ST3GAL6: variants seen among roughly 807,000 people sequenced by gnomAD.
ST3GAL6 encodes ST3 beta-galactoside alpha-2,3-sialyltransferase 6.
A neutral mutation model predicts 40.5 loss-of-function variants in ST3GAL6; 31 were observed. The ratio of observed to expected loss-of-function variants is 0.77; its 90% CI spans 0.58 to 1.03. The LOEUF is 1.03. Ranked by LOEUF, ST3GAL6 falls within the 50% of genes least tolerant of loss-of-function variation. ST3GAL6 has a pLI of 0.00. For synonymous variants in ST3GAL6, 129 were observed against 136.9 expected, an observed-to-expected ratio of 0.94 and a Z score of 0.40; for missense variants, 357 against 393.2, an observed-to-expected ratio of 0.91 and a Z score of 0.78.
intron 1 of ST3GAL6, among the ~76,000 whole-genome samples, chr3:98,740,532 A>G (rs1935992034): frequency 6.6e-6 from 1 of 150,964 alleles, no homozygotes; most frequent in Non-Finnish European, 1.5e-5. Flanking sequence ...TCTCCTCCAC[A>G]CTCTCCCATC....
At chr3:98,737,853 A>G (rs1935687180) in intron 1 of ST3GAL6, among the ~76,000 whole-genome samples, 1 of 152,204 alleles carries the variant, frequency 6.6e-6, no homozygotes, top group African/African-American at 2.4e-5. Flanking sequence ...ATTTTAGACA[A>G]AACAGACTTT....
At chr3:98,779,045 C>A (rs1939820003) in intron 5 of ST3GAL6, among the ~76,000 whole-genome samples, 1 of 152,124 alleles carries the variant, frequency 6.6e-6, no homozygotes, top group Admixed American at 6.5e-5. Flanking sequence ...GTACAACTTG[C>A]ACATATGTTT....
chr3:98,781,374 T>A (rs554581469), intron 5 of ST3GAL6, among the ~76,000 whole-genome samples: 1 of 151,922 alleles, frequency 6.6e-6, no homozygotes, highest in Non-Finnish European at 1.5e-5. Flanking sequence ...AAATACCTAA[T>A]GTAGATGATG....
intron 9 of ST3GAL6, among the ~76,000 whole-genome samples, chr3:98,792,433 C>T (rs917179899): frequency 3.9e-5 from 6 of 152,048 alleles, no homozygotes; most frequent in African/African-American, 1.4e-4. Flanking sequence ...TACCAACTTT[C>T]ATACTGGATC....
intron 5 of ST3GAL6, chr3:98,783,807 T>C (rs1339999151): frequency 7.5e-6 from 3 of 402,666 alleles, no homozygotes; most frequent in Non-Finnish European, 1.0e-5. Context: ...TTTGAGAGCA[T>C]AGAGCTTCCA....
intron 5 of ST3GAL6, chr3:98,783,274 T>G: frequency 6.5e-6 from 1 of 153,946 alleles, no homozygotes; most frequent in Non-Finnish European, 1.4e-5. Context: ...CCTTGTCTCT[T>G]GAAAGTTCTG....
intron 8 of ST3GAL6, among the ~76,000 whole-genome samples, chr3:98,790,557 C>T (rs747430773): frequency 6.6e-6 from 1 of 152,116 alleles, no homozygotes; most frequent in East Asian, 1.9e-4. Flanking sequence ...ACTAGTCAAA[C>T]GTAACTGGAT....
chr3:98,761,250 G>A (rs191922422), upstream of ST3GAL6, among the ~76,000 whole-genome samples: 1 of 152,166 alleles, frequency 6.6e-6, no homozygotes, highest in East Asian at 1.9e-4. Context: ...TTAGAGACCA[G>A]GCTGGACAGT....
chr3:98,787,307 G>A (rs144085617), intron 6 of ST3GAL6, among the ~76,000 whole-genome samples: 4 of 152,214 alleles, frequency 2.6e-5, no homozygotes, highest in African/African-American at 7.2e-5. Context: ...AAGTCTGTTC[G>A]TCTTATATTA....
upstream of ST3GAL6, among the ~76,000 whole-genome samples, chr3:98,759,179 G>C (rs1937574840): frequency 6.6e-6 from 1 of 152,310 alleles, no homozygotes; most frequent in East Asian, 1.9e-4. Context: ...CGTGTGGGCT[G>C]GTTTAAAGGG....
Position 98,788,029 on chromosome 3 carries a change from T to A in ST3GAL6, c.432-7T>A, listed in dbSNP as rs373564449. 2 of 1,609,906 alleles carry A rather than the reference T, an allele frequency of 1.2e-6. No homozygotes were observed. The highest frequency in any genetic ancestry group is 1.7e-6 in the Non-Finnish European group (2 of 1,178,328). On this transcript the variant is annotated splice_region_variant and splice_polypyrimidine_tract_variant and intron_variant, in intron 6 of 9. Transcript: ENST00000483910. ...TCTACATATCTTGTATGTTTTACTA[T>A]CCACAGAATGAATAATGGTCCTGTT...
At chr3:98,761,254 G>C (rs1937727584), upstream of ST3GAL6, among the ~76,000 whole-genome samples, 1 of 152,018 alleles carries the variant, frequency 6.6e-6, no homozygotes, top group Admixed American at 6.6e-5. Context: ...AGACCAGGCT[G>C]GACAGTATAG....
chr3:98,768,968 G>A (rs1364191193), intron 2 of ST3GAL6, among the ~76,000 whole-genome samples: 3 of 152,104 alleles, frequency 2.0e-5, no homozygotes, highest in African/African-American at 7.2e-5. Flanking sequence ...AAATAGCTTT[G>A]ACTTGAAATA....
intron 5 of ST3GAL6, among the ~76,000 whole-genome samples, chr3:98,778,653 A>G (rs960982768): frequency 5.3e-5 from 8 of 152,202 alleles, no homozygotes; most frequent in African/African-American, 1.9e-4. Context: ...TCCATCAGAG[A>G]GTAACATACA....
At chr3:98,764,248 C>T (rs1040619679) in intron 1 of ST3GAL6, among the ~76,000 whole-genome samples, 2 of 152,114 alleles carry the variant, frequency 1.3e-5, no homozygotes, top group African/African-American at 2.4e-5. Context: ...TATTGCTGAA[C>T]ATGCTTTTTT....
chr3:98,750,475 C>T (rs1936920717), intron 1 of ST3GAL6, among the ~76,000 whole-genome samples: 1 of 152,144 alleles, frequency 6.6e-6, no homozygotes, highest in African/African-American at 2.4e-5. Context: ...CTTTGGGAAA[C>T]CCTGGTTTAA....
intron 1 of ST3GAL6, among the ~76,000 whole-genome samples, chr3:98,757,806 C>G (rs1937522822): frequency 6.6e-6 from 1 of 151,898 alleles, no homozygotes; most frequent in South Asian, 2.1e-4. Flanking sequence ...TGTTCTATCA[C>G]ATAAGCGTTT....
chr3:98,757,632 G>A (rs1393120356), intron 1 of ST3GAL6, among the ~76,000 whole-genome samples: 1 of 152,122 alleles, frequency 6.6e-6, no homozygotes, highest in African/African-American at 2.4e-5. Context: ...TACGTGCTTG[G>A]GTTCAAGTCC....
At chr3:98,769,174 A>AT (rs1156493051) in intron 2 of ST3GAL6, among the ~76,000 whole-genome samples, 1 of 152,170 alleles carries the variant, frequency 6.6e-6, no homozygotes, top group African/African-American at 2.4e-5. Flanking sequence ...AAGAGTCAGT[A>AT]TTTTTTGCCA....
Sources: gnomAD v4.1 joint callset for allele counts (sites outside exome capture counted in the v4.1 genomes callset) on GRCh38, gnomAD v4.1.1 for gene constraint, MANE v1.5 for transcripts, NCBI Gene and HGNC (gene_info 2026-07-23, HGNC 2026-07-21) for gene names.